The following PRKN variants were observed in gnomAD, a reference collection of about 807,000 sequenced individuals.
PRKN encodes parkin RBR E3 ubiquitin protein ligase.
In PRKN, 56 loss-of-function variants were observed where a neutral mutation model predicts 59.5. The ratio of observed to expected loss-of-function variants is 0.94; its 90% CI spans 0.76 to 1.18. The LOEUF is 1.18. PRKN is among the 50% of genes most tolerant of loss of function. The pLI is 0.00. For missense variants in PRKN, 657 were observed against 596.4 expected (o/e 1.10, Z -1.06); for synonymous variants, 250 against 222.1 (o/e 1.13, Z -1.12).
At chr6:161,890,851 C>G (rs1795316450) in intron 6 of PRKN, among the ~76,000 whole-genome samples, 1 of 152,176 alleles carries the variant, frequency 6.6e-6, no homozygotes, top group South Asian at 2.1e-4. Flanking sequence ...ATTTCCCGCG[C>G]TCTGCCTCCG....
Position 162,226,099 on chromosome 6 carries a change from A to ATAAT in PRKN, c.413-24848_413-24847insATTA, listed in dbSNP as rs201926616. On this transcript the variant is annotated intron_variant, in intron 3 of 11. Coordinates refer to ENST00000366898, the MANE Select transcript of PRKN (RefSeq NM_004562.3). ...AATAATAATAATAATAATAATAATA[A>ATAAT]AATTAGATCAAACTGGGCAGGTTAG... Among the ~76,000 whole-genome samples the ATAAT allele has an allele frequency of 4.6e-4, 68 of 147,424 alleles. 1 individual carries two copies. In the East Asian group the frequency reaches 8.7e-3, roughly 19 times the overall value.
chr6:162,643,499 G>A (rs1167368100), intron 1 of PRKN, among the ~76,000 whole-genome samples: 1 of 150,770 alleles, frequency 6.6e-6, no homozygotes. Context: ...CTAGAAATTA[G>A]ACCATTTGCA....
At chr6:162,062,358 C>T (rs934427326) in intron 4 of PRKN, among the ~76,000 whole-genome samples, 1 of 152,112 alleles carries the variant, frequency 6.6e-6, no homozygotes, top group Non-Finnish European at 1.5e-5. Flanking sequence ...ATGCAGAGGT[C>T]GCTTGGGGCT....
At chr6:161,808,102 A>G (rs1022158757) in intron 6 of PRKN, among the ~76,000 whole-genome samples, 13 of 152,196 alleles carry the variant, frequency 8.5e-5, no homozygotes, top group African/African-American at 3.1e-4. Flanking sequence ...AACTTTTACC[A>G]TTGCATAGCT....
intron 7 of PRKN, among the ~76,000 whole-genome samples, chr6:161,764,136 C>T (rs757752135): frequency 1.3e-5 from 2 of 152,220 alleles, no homozygotes; most frequent in South Asian, 4.1e-4. Context: ...TCTCTCCTGT[C>T]TCAAGGTTTT....
intron 1 of PRKN, among the ~76,000 whole-genome samples, chr6:162,588,252 C>CT (rs1225640433): frequency 6.6e-6 from 1 of 151,952 alleles, no homozygotes; most frequent in Admixed American, 6.6e-5. Flanking sequence ...CTCAAGTGAT[C>CT]TGCCTGCCTC....
intron 4 of PRKN, among the ~76,000 whole-genome samples, chr6:162,057,589 G>C (rs548151960): frequency 6.6e-6 from 1 of 152,332 alleles, no homozygotes; most frequent in Admixed American, 6.5e-5. Flanking sequence ...CTTAAAGTGA[G>C]AAATTCAGTG....
chr6:161,624,144 T>C (rs1330885944), intron 7 of PRKN, among the ~76,000 whole-genome samples: 1 of 152,246 alleles, frequency 6.6e-6, no homozygotes, highest in Non-Finnish European at 1.5e-5. Flanking sequence ...ATTTCTCTTT[T>C]GCTTTCAGCA....
intron 2 of PRKN, among the ~76,000 whole-genome samples, chr6:162,369,436 G>A (rs1328872846): frequency 1.3e-5 from 2 of 152,128 alleles, no homozygotes; most frequent in Non-Finnish European, 2.9e-5. Context: ...AACATCAGGT[G>A]TGACTCTTAC....
At chr6:162,073,444 T>C (rs1468073569) in intron 4 of PRKN, among the ~76,000 whole-genome samples, 1 of 152,092 alleles carries the variant, frequency 6.6e-6, no homozygotes, top group Non-Finnish European at 1.5e-5. Context: ...GGTTTTTTTG[T>C]TGTTGTTTTT....
intron 1 of PRKN, among the ~76,000 whole-genome samples, chr6:162,629,372 T>C (rs749388345): frequency 5.9e-5 from 9 of 152,074 alleles, no homozygotes; most frequent in Admixed American, 2.0e-4. Context: ...ACTACACAGG[T>C]TTTACAGCTG....
At chr6:161,744,403 C>T (rs971247052) in intron 7 of PRKN, among the ~76,000 whole-genome samples, 1 of 152,032 alleles carries the variant, frequency 6.6e-6, no homozygotes, top group Non-Finnish European at 1.5e-5. Context: ...GCAACAGAGT[C>T]CATTTCTGTA....
At chr6:162,071,607 T>G (rs1008217727) in intron 4 of PRKN, among the ~76,000 whole-genome samples, 25 of 151,716 alleles carry the variant, frequency 1.6e-4, no homozygotes, top group African/African-American at 6.1e-4. Context: ...AATTTTTTTT[T>G]TTTTTTTGAG....
intron 6 of PRKN, among the ~76,000 whole-genome samples, chr6:161,936,018 C>A (rs898732329): frequency 7.2e-5 from 11 of 152,110 alleles, no homozygotes; most frequent in African/African-American, 2.4e-4. Flanking sequence ...AAAAGTGGAG[C>A]TTTCAATGGA....
chr6:162,703,964 G>A (rs1023315331), intron 1 of PRKN, among the ~76,000 whole-genome samples: 4 of 152,176 alleles, frequency 2.6e-5, no homozygotes, highest in African/African-American at 9.7e-5. Flanking sequence ...TTCTCACGTG[G>A]AGACCACAGA....
At chr6:161,908,092 G>GACAACAAACA (rs371982078) in intron 6 of PRKN, among the ~76,000 whole-genome samples, 169 of 151,616 alleles carry the variant, frequency 1.1e-3, no homozygotes, top group African/African-American at 3.9e-3. Context: ...TAACAACAAC[G>GACAACAAACA]ACAACAACAA....
chr6:162,029,247 A>G (rs113365669), intron 5 of PRKN, among the ~76,000 whole-genome samples: 1 of 152,166 alleles, frequency 6.6e-6, no homozygotes, highest in Non-Finnish European at 1.5e-5. Flanking sequence ...TCTATTTTTT[A>G]AAAAAGAAAA....
intron 6 of PRKN, among the ~76,000 whole-genome samples, chr6:161,903,323 G>C (rs1423599232): frequency 6.6e-6 from 1 of 152,094 alleles, no homozygotes; most frequent in East Asian, 1.9e-4. Flanking sequence ...ACTGCAAAGT[G>C]GGCTCTTTTG....
rs1484529733 is a variant in PRKN at position 161,461,783 on chromosome 6, T to C, written c.1084-74906A>G. On this transcript the variant is annotated intron_variant, in intron 9 of 11. Transcript: ENST00000366898. This position sits in a 1 kb window ranked among gnomAD's most constrained non-coding sequence, Gnocchi z 5.1. ...TGCTTATGAAAATTCCAAATGGAGG[T>C]ATCCAGTAGGCAATGTGAAGTATAA... 3.3e-5 allele frequency among the ~76,000 whole-genome samples: 5 copies of C among 152,106 alleles called. No homozygotes were observed. The highest frequency in any genetic ancestry group is 1.9e-4 in the East Asian group (1 of 5,168).
Sources: allele counts gnomAD v4.1 joint callset (sites outside exome capture counted in the v4.1 genomes callset), GRCh38; gene constraint gnomAD v4.1.1; non-coding constraint Gnocchi (gnomAD v3.1); transcripts MANE v1.5; gene names NCBI Gene and HGNC (gene_info 2026-07-23, HGNC 2026-07-21).